Variants in TTC29 observed in about 807,000 individuals in gnomAD.
TTC29 encodes tetratricopeptide repeat domain 29, also known as tetratricopeptide repeat protein 29.
TTC29 carries 49 observed loss-of-function variants against 58.1 expected under a neutral mutation model. The observed-to-expected ratio is 0.84, with a 90% CI of 0.67 to 1.07. The LOEUF is 1.07. Among genes scored for constraint, TTC29 ranks in the 50% least tolerant of loss-of-function variants. TTC29 has a pLI of 0.00. For synonymous variants in TTC29, 209 were observed against 196.8 expected, an observed-to-expected ratio of 1.06 and a Z score of -0.52; for missense variants, 582 against 555.6, an observed-to-expected ratio of 1.05 and a Z score of -0.48.
At chr4:146,732,878 G>A (rs1250957617) in intron 11 of TTC29, among the ~76,000 whole-genome samples, 1 of 152,182 alleles carries the variant, frequency 6.6e-6, no homozygotes, top group Non-Finnish European at 1.5e-5. Context: ...TGGCAATAAA[G>A]TCAAGACCAC....
In TTC29 at chr4:146,723,911, A is replaced by G. The variant is rs547586768; in HGVS notation, c.1331-16360T>C. 2.0e-5 allele frequency among the ~76,000 whole-genome samples: 3 copies of G among 152,336 alleles called. No homozygotes were observed. The East Asian group carries it at 5.8e-4, about 29-fold the overall frequency. ...TAAAAGAATATAAATTGTTGTACCA[A>G]AAGACATGCTCTCACATGTTTATTG... is the stretch of plus-strand genomic sequence containing the variant. On this transcript the variant is annotated intron_variant, in intron 11 of 12. Coordinates refer to ENST00000325106, the MANE Select transcript of TTC29 (RefSeq NM_031956.4).
chr4:146,941,216 C>T (rs1021592341), intron 2 of TTC29, among the ~76,000 whole-genome samples: 7 of 152,150 alleles, frequency 4.6e-5, no homozygotes, highest in Admixed American at 1.3e-4. Flanking sequence ...GATCCCACCC[C>T]GTCTATGTCC....
intron 11 of TTC29, among the ~76,000 whole-genome samples, chr4:146,779,926 A>T (rs1748460712): frequency 6.6e-6 from 1 of 152,162 alleles, no homozygotes; most frequent in Non-Finnish European, 1.5e-5. Context: ...GTGAATCTTA[A>T]ATTCAACACT....
At chr4:146,787,047 G>A (rs1487299978) in intron 11 of TTC29, among the ~76,000 whole-genome samples, 1 of 152,054 alleles carries the variant, frequency 6.6e-6, no homozygotes, top group African/African-American at 2.4e-5. Flanking sequence ...CTTGAGCCCG[G>A]GAGTAAATTT....
intron 4 of TTC29, among the ~76,000 whole-genome samples, chr4:146,931,818 T>C (rs1257612809): frequency 6.6e-6 from 1 of 152,184 alleles, no homozygotes; most frequent in Non-Finnish European, 1.5e-5. Flanking sequence ...TTTTCTTTTA[T>C]CTCTATATTT....
chr4:146,778,462 T>C (rs537424495), intron 11 of TTC29, among the ~76,000 whole-genome samples: 1 of 152,274 alleles, frequency 6.6e-6, no homozygotes, highest in African/African-American at 2.4e-5. Context: ...GAGAACATGG[T>C]CTGTATGATA....
intron 11 of TTC29, among the ~76,000 whole-genome samples, chr4:146,778,999 A>AAAAAAAAAAAAAAAC (rs1748355263): frequency 1.3e-5 from 1 of 78,238 alleles, no homozygotes; most frequent in African/African-American, 7.2e-5. Flanking sequence ...AAAAAAAAAA[A>AAAAAAAAAAAAAAAC]AAAAGAAAAG....
intron 4 of TTC29, among the ~76,000 whole-genome samples, chr4:146,911,893 G>C (rs1733921661): frequency 6.6e-6 from 1 of 152,174 alleles, no homozygotes; most frequent in African/African-American, 2.4e-5. Context: ...TACCCTGCCT[G>C]CTCTTGGGCA....
At chr4:146,931,193 C>T (rs1020550677) in intron 4 of TTC29, among the ~76,000 whole-genome samples, 4 of 151,778 alleles carry the variant, frequency 2.6e-5, no homozygotes, top group Non-Finnish European at 5.9e-5. Context: ...AAAAAAAGTC[C>T]CCTCACTGAT....
At chr4:146,783,751 C>T (rs1748795289) in intron 11 of TTC29, among the ~76,000 whole-genome samples, 1 of 151,608 alleles carries the variant, frequency 6.6e-6, no homozygotes. Context: ...TTATTTTTTA[C>T]ATTATAGGAG....
chr4:146,811,913 C>T (rs1751050468), intron 10 of TTC29, among the ~76,000 whole-genome samples: 1 of 152,118 alleles, frequency 6.6e-6, no homozygotes, highest in Non-Finnish European at 1.5e-5. Flanking sequence ...TCATTTCAAC[C>T]AACTTTGTTA....
chr4:146,850,195 C>T (rs1729430651), intron 8 of TTC29, among the ~76,000 whole-genome samples: 1 of 152,166 alleles, frequency 6.6e-6, no homozygotes, highest in Non-Finnish European at 1.5e-5. Flanking sequence ...CTTAAGACTA[C>T]ATGTGTGAGC....
In TTC29 at chr4:146,835,586, G is replaced by A. The variant is rs368971879; in HGVS notation, c.886-1689C>T. Reference sequence around the variant, plus strand: ...TGTGTCTCAGGCACTATGTTAGACCGTAGGATCTTAAGTAGATGAGAATAT... The same window carrying A: ...TGTGTCTCAGGCACTATGTTAGACCATAGGATCTTAAGTAGATGAGAATAT... On this transcript the variant is annotated intron_variant, in intron 8 of 12. Transcript: ENST00000325106. Among the ~76,000 whole-genome samples, 41 of 152,122 alleles carry A rather than the reference G, an allele frequency of 2.7e-4. 1 individual carries two copies. In the South Asian group the frequency reaches 6.4e-3, roughly 24 times the overall value.
At chr4:146,804,280 T>C (rs560192243) in intron 10 of TTC29, among the ~76,000 whole-genome samples, 2 of 152,256 alleles carry the variant, frequency 1.3e-5, no homozygotes, top group Non-Finnish European at 1.5e-5. Context: ...CTGGTGCCTA[T>C]GGGTTTTGAG....
intron 6 of TTC29, among the ~76,000 whole-genome samples, chr4:146,896,029 T>C (rs1451666632): frequency 6.6e-6 from 1 of 152,200 alleles, no homozygotes; most frequent in Non-Finnish European, 1.5e-5. Flanking sequence ...TTAAATTTTA[T>C]ACTGTGTAGC....
rs573923702 is a variant in TTC29, at chr4:146,915,952, C to T, written c.177-6703G>A. Among the ~76,000 whole-genome samples the T allele has an allele frequency of 6.6e-5, 10 of 151,830 alleles. No individual in the cohort carries two copies. In the South Asian group the frequency reaches 2.1e-3, roughly 32 times the overall value. ...CATCTAATCAAAAGTCAGGATAATA[C>T]TTTTATTTCATTAAGTTAATATTTA... On this transcript the variant is annotated intron_variant, in intron 4 of 12. Coordinates refer to ENST00000325106, the MANE Select transcript of TTC29 (RefSeq NM_031956.4).
intron 11 of TTC29, among the ~76,000 whole-genome samples, chr4:146,750,081 C>T (rs1354591029): frequency 2.6e-5 from 4 of 152,052 alleles, no homozygotes; most frequent in South Asian, 2.1e-4. Context: ...GATCTCGGCT[C>T]ACTGCAAGCT....
At chr4:146,750,176 T>C (rs560156213) in intron 11 of TTC29, among the ~76,000 whole-genome samples, 79 of 152,174 alleles carry the variant, frequency 5.2e-4, no homozygotes, top group African/African-American at 1.8e-3. Flanking sequence ...CTTGGCTAAT[T>C]TTTTGTATTT....
chr4:146,729,110 A>G (rs892233381), intron 11 of TTC29, among the ~76,000 whole-genome samples: 8 of 151,962 alleles, frequency 5.3e-5, no homozygotes, highest in Admixed American at 1.3e-4. Context: ...TGTTCATTCT[A>G]CATTTTGATA....
Sources: allele counts gnomAD v4.1 joint callset (sites outside exome capture counted in the v4.1 genomes callset), GRCh38; gene constraint gnomAD v4.1.1; transcripts MANE v1.5; gene names NCBI Gene and HGNC (gene_info 2026-07-23, HGNC 2026-07-21).